Variants in DTD1 observed in about 807,000 individuals in gnomAD.
DTD1 encodes the protein D-aminoacyl-tRNA deacylase 1.
In DTD1, 13 loss-of-function variants were observed where a neutral mutation model predicts 25.6. That is an observed-to-expected ratio of 0.51 (90% CI 0.33 to 0.81). The LOEUF (loss-of-function observed/expected upper bound fraction) is 0.81, where lower values mean the gene tolerates loss of function less well. Among genes scored for constraint, DTD1 ranks in the 30% least tolerant of loss-of-function variants. DTD1 has a pLI of 0.02. For synonymous variants in DTD1, 110 were observed against 103.6 expected (o/e 1.06, Z -0.37); for missense variants, 193 against 266.4 (o/e 0.72, Z 1.92).
intron 4 of DTD1, among the ~76,000 whole-genome samples, chr20:18,685,937 G>A (rs747396213): frequency 6.6e-6 from 1 of 152,166 alleles, no homozygotes; most frequent in Admixed American, 6.6e-5. Context: ...TGTGTGCTGC[G>A]CCAACTTCAG....
At chr20:18,612,036 T>G (rs1188269095) in intron 3 of DTD1, among the ~76,000 whole-genome samples, 1 of 142,614 alleles carries the variant, frequency 7.0e-6, no homozygotes, top group East Asian at 2.0e-4. Context: ...TTTTTGTGTT[T>G]TTTTTTTTTT....
chr20:18,588,789 C>A (rs1293737651), intron 1 of DTD1: 1 of 985,102 alleles, frequency 1.0e-6, no homozygotes, highest in African/African-American at 1.7e-5. Flanking sequence ...CCAAGCTACC[C>A]GACCCCTGGT....
chr20:18,625,770 G>A (rs2060754987), intron 3 of DTD1, among the ~76,000 whole-genome samples: 1 of 152,240 alleles, frequency 6.6e-6, no homozygotes, highest in African/African-American at 2.4e-5. Context: ...GTTCTGAACA[G>A]ATTGAAAGTA....
intron 3 of DTD1, among the ~76,000 whole-genome samples, chr20:18,597,593 A>G (rs2060616976): frequency 6.6e-6 from 1 of 152,130 alleles, no homozygotes; most frequent in Non-Finnish European, 1.5e-5. Flanking sequence ...AGATTTGTCT[A>G]TTCTGAACAT....
intron 3 of DTD1, among the ~76,000 whole-genome samples, chr20:18,622,609 A>T (rs2060739169): frequency 6.6e-6 from 1 of 152,184 alleles, no homozygotes; most frequent in African/African-American, 2.4e-5. Flanking sequence ...GAAATTTCCC[A>T]AGTGTTGTTA....
chr20:18,661,410 C>T (rs1465234733), intron 4 of DTD1, among the ~76,000 whole-genome samples: 4 of 126,796 alleles, frequency 3.2e-5, no homozygotes, highest in South Asian at 2.6e-4. Flanking sequence ...CTTGCTCTGT[C>T]GCCCAGGCTA....
chr20:18,714,700 C>T (rs1245996385), intron 4 of DTD1, among the ~76,000 whole-genome samples: 1 of 152,148 alleles, frequency 6.6e-6, no homozygotes, highest in Non-Finnish European at 1.5e-5. Flanking sequence ...GAGGCCTCTT[C>T]TCTTGGTGTC....
At chr20:18,659,954 C>CTGG (rs1231859285) in intron 4 of DTD1, among the ~76,000 whole-genome samples, 1 of 152,114 alleles carries the variant, frequency 6.6e-6, no homozygotes, top group Non-Finnish European at 1.5e-5. Flanking sequence ...TTTTTACCAG[C>CTGG]TGGGCATGGT....
chr20:18,622,942 A>ATTTTTT lies in DTD1; in HGVS notation c.371-5178_371-5173dup, dbSNP rs771564529. 1.8e-3 allele frequency among the ~76,000 whole-genome samples: 235 copies of ATTTTTT among 129,784 alleles called. 9 individuals carry two copies. Among genetic ancestry groups the ATTTTTT allele is most frequent in the East Asian group, 4.2e-3 (20 of 4,708 alleles). The allele number at this position is 129,784 out of a possible 152,430, so 85.1% of individuals were successfully genotyped here. A position where few individuals can be genotyped will look rare whatever the true frequency, so the allele number is the denominator to read the frequency against. On this transcript the variant is annotated intron_variant, in intron 3 of 5. Transcript: ENST00000377452. ...ACTTATTAGAAGACAATTTTATAGA[A>ATTTTTT]TTTTTTTTTTTTGTCTGAGATGGAG...
At position 18,751,141 on chromosome 20, in the gene DTD1, A is replaced by G. The variant is rs533253727; in HGVS notation, c.*19+6870A>G. 2.8e-4 allele frequency among the ~76,000 whole-genome samples: 43 copies of G among 152,140 alleles called. No homozygotes were observed. The South Asian group carries it at 7.3e-3, about 26-fold the overall frequency. ...GTCCCTTTTCACTGTTCTTTTCGCC[A>G]TACAAGGTAGGACTCCTTTCATTCT... is the stretch of plus-strand genomic sequence containing the variant. On this transcript the variant is annotated intron_variant, in intron 5 of 5. Coordinates refer to ENST00000377452, the MANE Select transcript of DTD1 (RefSeq NM_080820.6).
At chr20:18,683,068 G>A (rs926659887) in intron 4 of DTD1, among the ~76,000 whole-genome samples, 5 of 152,294 alleles carry the variant, frequency 3.3e-5, no homozygotes, top group African/African-American at 1.2e-4. Context: ...CTATTAGTCG[G>A]TTGTGGTGTA....
At chr20:18,695,527 T>TG (rs2122446980) in intron 4 of DTD1, among the ~76,000 whole-genome samples, 1 of 34,806 alleles carries the variant, frequency 2.9e-5, no homozygotes, top group Non-Finnish European at 5.6e-5. Context: ...TTCCTTTCCC[T>TG]TCCCTTCCTT....
At chr20:18,654,888 A>G (rs1196606182) in intron 4 of DTD1, among the ~76,000 whole-genome samples, 1 of 152,188 alleles carries the variant, frequency 6.6e-6, no homozygotes, top group Non-Finnish European at 1.5e-5. Context: ...TTACATTGCT[A>G]AAAAACCCTT....
At chr20:18,703,385 C>G (rs142546255) in intron 4 of DTD1, among the ~76,000 whole-genome samples, 28 of 152,214 alleles carry the variant, frequency 1.8e-4, no homozygotes, top group African/African-American at 6.3e-4. Context: ...TTCTGGTAAT[C>G]TAGGTTTCTT....
intron 3 of DTD1, among the ~76,000 whole-genome samples, chr20:18,601,280 A>T (rs1205518117): frequency 1.3e-5 from 2 of 152,136 alleles, no homozygotes; most frequent in African/African-American, 4.8e-5. Context: ...AGGTCAGATC[A>T]TTTGAAGTCA....
At chr20:18,704,709 A>G (rs1194026087) in intron 4 of DTD1, among the ~76,000 whole-genome samples, 1 of 152,212 alleles carries the variant, frequency 6.6e-6, no homozygotes, top group Non-Finnish European at 1.5e-5. Flanking sequence ...GGTAGAGGCC[A>G]GGGTTGCTAC....
chr20:18,662,429 G>C (rs956919277), intron 4 of DTD1, among the ~76,000 whole-genome samples: 2 of 152,228 alleles, frequency 1.3e-5, no homozygotes, highest in South Asian at 2.1e-4. Context: ...CTGGGGGTGG[G>C]GGGGAGAGTA....
At chr20:18,743,796 T>A (rs2122520687) in intron 4 of DTD1, among the ~76,000 whole-genome samples, 1 of 152,126 alleles carries the variant, frequency 6.6e-6, no homozygotes, top group African/African-American at 2.4e-5. Flanking sequence ...TATATGGAGC[T>A]CTTCTAAGGC....
intron 5 of DTD1, among the ~76,000 whole-genome samples, chr20:18,750,363 ACAG>A (rs2061317487): frequency 6.6e-6 from 1 of 152,230 alleles, no homozygotes; most frequent in South Asian, 2.1e-4. Flanking sequence ...CCCCAGAACA[ACAG>A]CAGCCCCCTC....
Sources: allele counts gnomAD v4.1 joint callset (sites outside exome capture counted in the v4.1 genomes callset), GRCh38; gene constraint gnomAD v4.1.1; transcripts MANE v1.5; gene names NCBI Gene and HGNC (gene_info 2026-07-23, HGNC 2026-07-21).